The following AFAP1L1 variants were observed in gnomAD, a reference collection of about 807,000 sequenced individuals.
AFAP1L1 encodes the protein actin filament-associated protein 1-like 1.
In AFAP1L1, 77 loss-of-function variants were observed where a neutral mutation model predicts 99.8. The observed-to-expected ratio is 0.77, with a 90% confidence interval of 0.64 to 0.93. The LOEUF (loss-of-function observed/expected upper bound fraction) is 0.93, where lower values mean the gene tolerates loss of function less well. Ranked by LOEUF, AFAP1L1 falls within the 40% of genes least tolerant of loss-of-function variation. AFAP1L1 has a pLI of 0.00. For missense variants in AFAP1L1, 893 were observed against 996.8 expected, an observed-to-expected ratio of 0.90 and a Z score of 1.40; for synonymous variants, 373 against 395.3, an observed-to-expected ratio of 0.94 and a Z score of 0.67.
chr5:149,304,226 A>C (rs542395696), intron 5 of AFAP1L1: 1 of 152,314 alleles, frequency 6.6e-6, no homozygotes, highest in South Asian at 2.1e-4. Flanking sequence ...GCTGAACACT[A>C]TCCCACCATA....
At chr5:149,339,863 C>A in intron 18 of AFAP1L1, 144 bp from the exon 19 acceptor site, 1 of 671,322 alleles carries the variant, frequency 1.5e-6, no homozygotes, top group Non-Finnish European at 2.5e-6. Context: ...TTACTCAGGG[C>A]CACAGAAAGA....
At chr5:149,274,095 A>G (rs972190890) in intron 1 of AFAP1L1, among the ~76,000 whole-genome samples, 3 of 152,094 alleles carry the variant, frequency 2.0e-5, no homozygotes, top group Non-Finnish European at 4.4e-5. Flanking sequence ...CTAGCCTGCT[A>G]TCTTTCTTTA....
intron 12 of AFAP1L1, among the ~76,000 whole-genome samples, chr5:149,319,009 G>A (rs544844944): frequency 6.6e-6 from 1 of 152,228 alleles, no homozygotes; most frequent in East Asian, 1.9e-4. Flanking sequence ...TCTTATACAC[G>A]AAGGTTTCTG....
chr5:149,302,326 C>A, intron 4 of AFAP1L1, 92 bp from the exon 5 acceptor site: 1 of 840,524 alleles, frequency 1.2e-6, no homozygotes, highest in Admixed American at 2.7e-5. Context: ...ACACTGCCTC[C>A]TGCCTTCTGC....
chr5:149,312,272 G>A, intron 9 of AFAP1L1, 68 bp downstream of exon 9: 8 of 1,495,754 alleles, frequency 5.3e-6, no homozygotes, highest in Non-Finnish European at 7.5e-6. Flanking sequence ...TCAACCCCAG[G>A]GGAACTAACT....
chr5:149,314,723 T>C (rs188950228), intron 9 of AFAP1L1, among the ~76,000 whole-genome samples: 113 of 152,314 alleles, frequency 7.4e-4, no homozygotes, highest in African/African-American at 2.7e-3. Context: ...CATGATCTCC[T>C]GTCCTCTCCG....
rs538044404 is a variant in AFAP1L1, at chr5:149,299,756, G to A, written c.145+119G>A. On this transcript the variant is annotated intron_variant, in intron 2 of 18. Coordinates refer to ENST00000296721, the MANE Select transcript of AFAP1L1 (RefSeq NM_152406.4). Reference sequence around the variant, plus strand: ...CCCACCCCCACCCCCAGGGGCTGCCGCAGGAGGAAGGCTAAGCCCTGGACA... The same window carrying A: ...CCCACCCCCACCCCCAGGGGCTGCCACAGGAGGAAGGCTAAGCCCTGGACA... 1.2e-4 allele frequency: 170 copies of A among 1,435,576 alleles called. No homozygotes were observed. In the South Asian group the frequency reaches 1.5e-3, roughly 13 times the overall value. The allele number at this position is 1,435,576 out of a possible 1,614,324, so 88.9% of individuals were successfully genotyped here.
chr5:149,327,450 A>G (rs1202675893), intron 15 of AFAP1L1, among the ~76,000 whole-genome samples: 3 of 152,134 alleles, frequency 2.0e-5, no homozygotes, highest in Admixed American at 6.5e-5. Context: ...ACTGTACACT[A>G]CAGTATACGT....
At chr5:149,276,402 G>A (rs1755325604) in intron 1 of AFAP1L1, among the ~76,000 whole-genome samples, 1 of 152,306 alleles carries the variant, frequency 6.6e-6, no homozygotes, top group South Asian at 2.1e-4. Context: ...TCCTTCCAGA[G>A]GGTTTTCTGA....
chr5:149,304,656 A>G (rs1383957188), intron 5 of AFAP1L1, among the ~76,000 whole-genome samples: 1 of 152,190 alleles, frequency 6.6e-6, no homozygotes, highest in Non-Finnish European at 1.5e-5. Context: ...TCTCGCTCAC[A>G]GCGTCCAGCC....
intron 4 of AFAP1L1, 24 bp downstream of exon 4, chr5:149,301,254 C>T: frequency 6.2e-7 from 1 of 1,606,564 alleles, no homozygotes. Context: ...TGGGTTCCCA[C>T]ACCTCAGGGC....
In AFAP1L1 at chr5:149,335,686, A is replaced by G. The variant is rs1757389745; in HGVS notation, c.2247A>G (p.Val749=). 1.2e-6 allele frequency: 2 copies of G among 1,614,020 alleles called. No individual in the cohort carries two copies. Among genetic ancestry groups the G allele is most frequent in the Non-Finnish European group, 1.7e-6 (2 of 1,180,032 alleles). The change falls in exon 18 of 19, where the codon GTA becomes GTG. Residue 749 remains valine (V), a synonymous_variant. Coordinates refer to ENST00000296721, the MANE Select transcript of AFAP1L1 (RefSeq NM_152406.4). The part of the protein sequence containing the change: ...SELRKRSPSI[V]ASNQGRVLQK... Reference sequence around the variant, plus strand: ...TGAGGAAGAGGAGCCCATCCATCGTAGCCTCCAACCAAGGAAGGGTGCTAC... The same window carrying G: ...TGAGGAAGAGGAGCCCATCCATCGTGGCCTCCAACCAAGGAAGGGTGCTAC...
chr5:149,321,454 C>T (rs1451248591), intron 14 of AFAP1L1, among the ~76,000 whole-genome samples: 6 of 152,104 alleles, frequency 3.9e-5, no homozygotes, highest in Non-Finnish European at 8.8e-5. Flanking sequence ...GGTCTGGGTG[C>T]CGTGGCTCAT....
chr5:149,316,218 C>T lies in AFAP1L1; in HGVS notation c.1182C>T (p.Ile394=), dbSNP rs191310766. 1.1e-4 allele frequency: 178 copies of T among 1,614,108 alleles called. 1 individual carries two copies. Among genetic ancestry groups the T allele is most frequent in the Admixed American group, 7.2e-4 (43 of 60,022 alleles). ...GSMSRAAGRK[I]TRIIGFSKKK... is the part of the protein sequence containing the mutation. ...TGAGCAGGGCTGCGGGCCGCAAGAT[C>T]ACCCGTATCATTGGCTTCTCCAAGA... The change falls in exon 11 of 19, where the codon ATC becomes ATT. Residue 394 remains isoleucine (I), a synonymous_variant. Coordinates refer to ENST00000296721, the MANE Select transcript of AFAP1L1 (RefSeq NM_152406.4).
At chr5:149,303,006 G>A (rs906343249) in intron 5 of AFAP1L1, among the ~76,000 whole-genome samples, 14 of 152,180 alleles carry the variant, frequency 9.2e-5, no homozygotes, top group African/African-American at 2.4e-4. Flanking sequence ...TAAAAAGCAC[G>A]TGGTCTAAAC....
chr5:149,310,978 G>A (rs1756612594), intron 8 of AFAP1L1, among the ~76,000 whole-genome samples: 1 of 152,116 alleles, frequency 6.6e-6, no homozygotes, highest in African/African-American at 2.4e-5. Context: ...GGATTCTGGA[G>A]AGCACTTGGC....
chr5:149,323,913 A>G (rs1757024679), intron 15 of AFAP1L1, among the ~76,000 whole-genome samples: 1 of 152,260 alleles, frequency 6.6e-6, no homozygotes, highest in Non-Finnish European at 1.5e-5. Context: ...CGACAACAAC[A>G]AAAAACTAAC....
chr5:149,316,641 A>G (rs1756807445), intron 11 of AFAP1L1, among the ~76,000 whole-genome samples: 1 of 152,182 alleles, frequency 6.6e-6, no homozygotes, highest in Non-Finnish European at 1.5e-5. Flanking sequence ...TCCAGCATAG[A>G]ACGTGCCAGG....
intron 1 of AFAP1L1, 41 bp downstream of exon 1, chr5:149,272,025 G>A: frequency 1.6e-6 from 2 of 1,239,962 alleles, no homozygotes; most frequent in Non-Finnish European, 2.0e-6. Flanking sequence ...GCGGCGCCGG[G>A]CGGGAAAGGG....
Sources: allele counts gnomAD v4.1 joint callset (sites outside exome capture counted in the v4.1 genomes callset), GRCh38; gene constraint gnomAD v4.1.1; transcripts MANE v1.5; gene names NCBI Gene and HGNC (gene_info 2026-07-23, HGNC 2026-07-21).